PGBD1: variants seen among roughly 807,000 people sequenced by gnomAD.
PGBD1 encodes piggyBac transposable element-derived protein 1.
Under a neutral mutation model 34.7 loss-of-function variants are expected in PGBD1, and 25 were observed. The ratio of observed to expected loss-of-function variants is 0.72; its 90% CI spans 0.52 to 1.00. The LOEUF (loss-of-function observed/expected upper bound fraction) is 1.00, where lower values mean the gene tolerates loss of function less well. Ranked by LOEUF, PGBD1 falls within the 50% of genes least tolerant of loss-of-function variation. PGBD1 has a pLI of 0.00. For missense variants in PGBD1, 830 were observed against 959.4 expected, an observed-to-expected ratio of 0.87 and a Z score of 1.78; for synonymous variants, 292 against 335.7, an observed-to-expected ratio of 0.87 and a Z score of 1.42.
In PGBD1 at chr6:28,302,231, C is replaced by T. The variant is rs768411095; in HGVS notation, c.2377C>T (p.Arg793Trp). ...PGASLDPLDF[R>W]RFVAHFYLEH... ...TGCTTCTCTAGACCCCTTGGATTTT[C>T]GGAGATTTGTTGCACATTTCTACTT... is the stretch of plus-strand genomic sequence containing the variant. Residue 793 changes from arginine (R) to tryptophan (W), a missense_variant, in exon 7 of 7, where the codon CGG (arginine) becomes TGG (tryptophan). By Grantham distance (101) the Arg-to-Trp change is moderately radical. Transcript: ENST00000682144. The T allele has an allele frequency of 2.0e-5, 32 of 1,613,836 alleles. No individual in the cohort carries two copies. The highest frequency in any genetic ancestry group is 1.6e-4 in the Middle Eastern group (1 of 6,082).
chr6:28,287,028 A>T, intron 3 of PGBD1, 52 bp from the exon 4 acceptor site: 5 of 1,403,846 alleles, frequency 3.6e-6, no homozygotes, highest in South Asian at 2.3e-5. Context: ...CAAAAAGGGT[A>T]CCCTAAAGGC....
At chr6:28,283,674 TG>T in intron 1 of PGBD1, 101 bp from the exon 2 acceptor site, 2 of 1,056,470 alleles carry the variant, frequency 1.9e-6, no homozygotes, top group Non-Finnish European at 2.7e-6. Context: ...TTACCTACAG[TG>T]GGGACAAAAA....
At position 28,301,520 on chromosome 6, in the gene PGBD1, G is replaced by A; in HGVS notation, c.1666G>A (p.Asp556Asn). Reference sequence around the variant, plus strand: ...GTCAATGTGTGAATGCTTTGATAGTGACCAATTCCTGAATGGAAAGCCTAT... The same window carrying A: ...GTCAATGTGTGAATGCTTTGATAGTAACCAATTCCTGAATGGAAAGCCTAT... ...DKSMCECFDS[D>N]QFLNGKPIRI... is the part of the protein sequence containing the mutation. The change falls in exon 7 of 7, where the codon GAC (aspartate) becomes AAC (asparagine). Residue 556 changes from aspartate (D) to asparagine (N), a missense_variant. Coordinates refer to ENST00000682144, the MANE Select transcript of PGBD1 (RefSeq NM_032507.4). 6.2e-7 allele frequency: 1 copy of A among 1,614,066 alleles called. No individual in the cohort carries two copies. The highest frequency in any genetic ancestry group is 8.5e-7 in the Non-Finnish European group (1 of 1,180,016).
chr6:28,287,141 G>A lies in PGBD1; in HGVS notation c.615G>A (p.Val205=), dbSNP rs1762311407. 1 of 1,613,964 alleles carries A rather than the reference G, an allele frequency of 6.2e-7. No individual in the cohort carries two copies. The highest frequency in any genetic ancestry group is 8.5e-7 in the Non-Finnish European group (1 of 1,179,896). ...AAAACCCCAGAGACAAGGCTGTAGT[G>A]CCTGTGTTTAACCCAGTCAGGTCCC... ...QEKNPRDKAV[V]PVFNPVRSQT... is the part of the protein sequence containing the mutation. The change falls in exon 4 of 7, where the codon GTG becomes GTA. Residue 205 remains valine (V), a synonymous_variant. Transcript: ENST00000682144.
chr6:28,302,215 A>G lies in PGBD1; in HGVS notation c.2361A>G (p.Leu787=). ...GAGCCTGTAACCCAGGTGCTTCTCTAGACCCCTTGGATTTTCGGAGATTTG... is the reference window on the plus strand; with the variant it reads ...GAGCCTGTAACCCAGGTGCTTCTCTGGACCCCTTGGATTTTCGGAGATTTG... The part of the protein sequence containing the change: ...LHRACNPGAS[L]DPLDFRRFVA... Residue 787 remains leucine (L), a synonymous_variant, in exon 7 of 7, where the codon CTA becomes CTG. Transcript: ENST00000682144. 1 of 1,614,164 alleles carries G rather than the reference A, an allele frequency of 6.2e-7. No individual in the cohort carries two copies. The highest frequency in any genetic ancestry group is 8.5e-7 in the Non-Finnish European group (1 of 1,180,014).
At position 28,284,131 on chromosome 6, in the gene PGBD1, A is replaced by G. The variant is rs756605934; in HGVS notation, c.318A>G (p.Thr106=). ...LPKELQPCVK[T]YPLESGEEAV... The stretch of plus-strand genomic sequence containing the variant: ...AGGAGCTCCAGCCCTGTGTGAAGAC[A>G]TATCCTCTGGAGAGTGGAGAGGAGG... Residue 106 remains threonine (T), a synonymous_variant, in exon 2 of 7, where the codon ACA becomes ACG. Coordinates refer to ENST00000682144, the MANE Select transcript of PGBD1 (RefSeq NM_032507.4). 16 of 1,613,236 alleles carry G rather than the reference A, an allele frequency of 9.9e-6. No individual in the cohort carries two copies. The highest frequency in any genetic ancestry group is 1.7e-5 in the Admixed American group (1 of 59,940).
chr6:28,286,088 T>A (rs1384441667), intron 3 of PGBD1, among the ~76,000 whole-genome samples: 1 of 152,216 alleles, frequency 6.6e-6, no homozygotes, highest in Non-Finnish European at 1.5e-5. Flanking sequence ...TTATTTAGTA[T>A]GTATGTGTTG....
Position 28,300,766 on chromosome 6 carries a change from T to C in PGBD1, c.912T>C (p.Thr304=). Reference sequence around the variant, plus strand: ...TTCCTTGTAGTACTCCTATTGCTACTGAAAGGACAGTTGCACATTTGAACA... The same window carrying C: ...TTCCTTGTAGTACTCCTATTGCTACCGAAAGGACAGTTGCACATTTGAACA... ...PQIPCSTPIA[T]ERTVAHLNTL... is the part of the protein sequence containing the mutation. The change falls in exon 7 of 7, where the codon ACT becomes ACC. Residue 304 remains threonine, a synonymous_variant. Coordinates refer to ENST00000682144, the MANE Select transcript of PGBD1 (RefSeq NM_032507.4). This position sits in a 1 kb window ranked among gnomAD's most constrained non-coding sequence, Gnocchi z 4.0. The C allele has an allele frequency of 1.2e-6, 2 of 1,614,030 alleles. No individual in the cohort carries two copies. The highest frequency in any genetic ancestry group is 2.2e-5 in the South Asian group (2 of 91,042).
intron 5 of PGBD1, 125 bp from the exon 6 acceptor site, chr6:28,297,770 G>A (rs6923170): frequency 0.16 from 91,863 of 583,064 alleles, 10,388 homozygotes; most frequent in African/African-American, 0.42. Context: ...ACACCAATAT[G>A]ATTTGTTTTT....
At chr6:28,284,278 T>C in intron 2 of PGBD1, 69 bp downstream of exon 2, 1 of 1,415,982 alleles carries the variant, frequency 7.1e-7, no homozygotes. Flanking sequence ...ATTTTTAACG[T>C]TTTATTTTGA....
intron 4 of PGBD1, among the ~76,000 whole-genome samples, chr6:28,290,824 A>ATCC (rs1762425973): frequency 6.6e-6 from 1 of 152,206 alleles, no homozygotes; most frequent in Non-Finnish European, 1.5e-5. Context: ...ACGCGTGGAA[A>ATCC]TTAAATAGCA....
At position 28,301,698 on chromosome 6, in the gene PGBD1, T is replaced by A; in HGVS notation, c.1844T>A (p.Leu615Ter). ...GTGATGAACTTCGCTGATGTTCTTT[T>A]AGAGAGAGGTCAGTATCCCTATCAC... is the stretch of plus-strand genomic sequence containing the variant. ...NLVMNFADVL[L>*]ERGQYPYHLC... The change falls in exon 7 of 7, where the codon TTA becomes TAA. Residue 615 changes from leucine (L) to a stop codon, truncating the protein, a stop_gained. Transcript: ENST00000682144. LOFTEE classifies it low-confidence loss of function (END_TRUNC). 1.9e-6 allele frequency: 3 copies of A among 1,614,164 alleles called. No homozygotes were observed. The highest frequency in any genetic ancestry group is 3.3e-4 in the Middle Eastern group (2 of 6,062).
intron 6 of PGBD1, among the ~76,000 whole-genome samples, chr6:28,298,665 C>T (rs1762731389): frequency 6.6e-6 from 1 of 152,094 alleles, no homozygotes; most frequent in Admixed American, 6.6e-5. Flanking sequence ...GGAAAGTTAG[C>T]TGATGAAGTA....
At position 28,284,216 on chromosome 6, in the gene PGBD1, A is replaced by G. The variant is rs773745841; in HGVS notation, c.396+7A>G. ...TGGAGACACAGGACAACAGGTGGGA[A>G]GAGAATGTGTGTGGTGATGTGGGAG... On this transcript the variant is annotated splice_region_variant and intron_variant, in intron 2 of 6. Transcript: ENST00000682144. The G allele has an allele frequency of 1.3e-6, 2 of 1,526,008 alleles. No homozygotes were observed. Among genetic ancestry groups the G allele is most frequent in the Middle Eastern group, 1.8e-4 (1 of 5,660 alleles). 94.5% of individuals were successfully genotyped at this position (1,526,008 alleles called of 1,614,324 possible). A position where few individuals can be genotyped will look rare whatever the true frequency, so the allele number is the denominator to read the frequency against.
In PGBD1 at chr6:28,300,931, C is replaced by G; in HGVS notation, c.1077C>G (p.Phe359Leu). The G allele has an allele frequency of 6.2e-7, 1 of 1,614,086 alleles. No homozygotes were observed. Among genetic ancestry groups the G allele is most frequent in the Non-Finnish European group, 8.5e-7 (1 of 1,180,030 alleles). The change falls in exon 7 of 7, where the codon TTC (phenylalanine) becomes TTG (leucine). Residue 359 changes from phenylalanine (F) to leucine (L), a missense_variant. Transcript: ENST00000682144. The surrounding 1 kb of genome is among the most constrained non-coding windows in gnomAD (Gnocchi z 4.0). ...RVSELLQGLS[F>L]SGDSDVEKDN... ...GTGAACTGCTCCAAGGCCTCTCATT[C>G]TCTGGTGACTCAGATGTGGAAAAAG...
chr6:28,285,766 G>A (rs1467478303), intron 3 of PGBD1, 59 bp downstream of exon 3: 6 of 1,542,514 alleles, frequency 3.9e-6, no homozygotes, highest in Non-Finnish European at 5.3e-6. Context: ...CACTTGCACA[G>A]CCTTCTTGAC....
chr6:28,297,983 GC>G lies in PGBD1; in HGVS notation c.864del (p.Asn289ThrfsTer23). ...MEQSGEASGK[P>X]NRECAPQIPC... ...AACAAAGTGGAGAAGCCTCAGGAAA[GC>G]CCAACAGGTGAGTGTCCATGGTCCT... is the stretch of plus-strand genomic sequence containing the variant. On this transcript the variant is annotated frameshift_variant, in exon 6 of 7. Coordinates refer to ENST00000682144, the MANE Select transcript of PGBD1 (RefSeq NM_032507.4). LOFTEE classifies it low-confidence loss of function (END_TRUNC). 4 of 1,606,406 alleles carry G rather than the reference GC, an allele frequency of 2.5e-6. No homozygotes were observed. Among genetic ancestry groups the G allele is most frequent in the Non-Finnish European group, 3.4e-6 (4 of 1,173,998 alleles).
At position 28,302,486 on chromosome 6, in the gene PGBD1, G is replaced by C; in HGVS notation, c.*202G>C. On this transcript the variant is annotated 3_prime_UTR_variant, in exon 7 of 7. Coordinates refer to ENST00000682144, the MANE Select transcript of PGBD1 (RefSeq NM_032507.4). ...AAATTGTCTGTGAGAATGTTGAACT[G>C]TAGTACCTTTCTCTATGTCAAGTTT... The C allele has an allele frequency of 1.8e-6, 1 of 548,204 alleles. No individual in the cohort carries two copies. The highest frequency in any genetic ancestry group is 3.7e-5 in the Admixed American group (1 of 27,316). The allele number at this position is 548,204 out of a possible 1,614,324, so 34.0% of individuals were successfully genotyped here. A position where few individuals can be genotyped will look rare whatever the true frequency, so the allele number is the denominator to read the frequency against.
At chr6:28,286,938 T>C (rs1762300871) in intron 3 of PGBD1, 142 bp from the exon 4 acceptor site, 2 of 661,630 alleles carry the variant, frequency 3.0e-6, no homozygotes, top group East Asian at 2.7e-5. Context: ...GTTGTGATGC[T>C]CTTTCTCACA....
Sources: gnomAD v4.1 joint callset for allele counts (sites outside exome capture counted in the v4.1 genomes callset) on GRCh38, gnomAD v4.1.1 for gene constraint, Gnocchi (gnomAD v3.1) non-coding constraint, MANE v1.5 for transcripts, NCBI Gene and HGNC (gene_info 2026-07-23, HGNC 2026-07-21) for gene names.